The following CHD6 variants were observed in gnomAD, a reference collection of about 807,000 sequenced individuals.
CHD6 encodes chromodomain helicase DNA binding protein 6, also known as ATP-dependent chromatin remodeler CHD6.
Under a neutral mutation model 276.9 loss-of-function variants are expected in CHD6, and 50 were observed. The ratio of observed to expected loss-of-function variants is 0.18; its 90% CI spans 0.14 to 0.23. The LOEUF is 0.23. CHD6 is among the 10% of genes least tolerant of loss of function. CHD6 has a pLI of 1.00. For missense variants in CHD6, 2,564 were observed against 3,365.8 expected (o/e 0.76, Z 5.89); for synonymous variants, 1,173 against 1,229.3 (o/e 0.95, Z 0.96).
chr20:41,578,635 G>A lies in CHD6; in HGVS notation c.-23-27275C>T, dbSNP rs185544186. 2.4e-3 allele frequency among the ~76,000 whole-genome samples: 356 copies of A among 145,882 alleles called. 1 individual carries two copies. The Middle Eastern group carries it at 0.032, about 13-fold the overall frequency. On this transcript the variant is annotated intron_variant, in intron 1 of 36. Transcript: ENST00000373233. ...GTGGAGGTCGCAGTGAGCCGAGATC[G>A]CACCACCACACTCCACTACAGCCCG...
intron 1 of CHD6, among the ~76,000 whole-genome samples, chr20:41,607,574 CA>C (rs1214743318): frequency 6.6e-6 from 1 of 152,004 alleles, no homozygotes; most frequent in African/African-American, 2.4e-5. Context: ...CAATTAGTTA[CA>C]GAGGGAAAAT....
At chr20:41,419,855 T>A (rs952438327) in intron 31 of CHD6, among the ~76,000 whole-genome samples, 2 of 152,214 alleles carry the variant, frequency 1.3e-5, no homozygotes, top group African/African-American at 4.8e-5. Flanking sequence ...GCAAAGCCCA[T>A]AGAATCTCAG....
At position 41,512,875 on chromosome 20, in the gene CHD6, A is replaced by G; in HGVS notation, c.823T>C (p.Ser275Pro). The change falls in exon 5 of 37, where the codon TCA becomes CCA. Residue 275 changes from serine (S) to proline (P), a missense_variant. This residue lies in a region of CHD6 where 457 missense variants were observed against 889.0 expected (regional missense o/e 0.51). Coordinates refer to ENST00000373233, the MANE Select transcript of CHD6 (RefSeq NM_032221.5). ...GCCTGCCAGGCCAGTGTAGAGGCTG[A>G]GAGTGCAGATGTTCGACCAGCTCCA... Reference protein sequence around the residue: ...VLGAGRTSALSASTLAWQAEE... With the variant: ...VLGAGRTSALPASTLAWQAEE... The G allele has an allele frequency of 6.2e-7, 1 of 1,614,024 alleles. No homozygotes were observed. The highest frequency in any genetic ancestry group is 8.5e-7 in the Non-Finnish European group (1 of 1,179,908).
intron 17 of CHD6, among the ~76,000 whole-genome samples, chr20:41,467,552 T>C (rs1344695971): frequency 7.6e-6 from 1 of 131,548 alleles, no homozygotes; most frequent in Admixed American, 8.2e-5. Flanking sequence ...ATAACGACGT[T>C]CTGACAATGA....
At chr20:41,419,086 T>C (rs908528630) in intron 31 of CHD6, among the ~76,000 whole-genome samples, 2 of 152,228 alleles carry the variant, frequency 1.3e-5, no homozygotes, top group Admixed American at 6.5e-5. Flanking sequence ...CAATGCTTCG[T>C]GGCCTGCCAT....
At chr20:41,450,119 G>GAA in intron 23 of CHD6, among the ~76,000 whole-genome samples, 1 of 151,596 alleles carries the variant, frequency 6.6e-6, no homozygotes, top group East Asian at 1.9e-4. Flanking sequence ...ATCTGTAAAA[G>GAA]AAAAAAAACA....
At chr20:41,444,391 C>A (rs2047999123) in intron 25 of CHD6, among the ~76,000 whole-genome samples, 1 of 152,180 alleles carries the variant, frequency 6.6e-6, no homozygotes, top group Non-Finnish European at 1.5e-5. Flanking sequence ...CCACACAGGG[C>A]TAGTGGCTTC....
chr20:41,561,465 G>A (rs969243951), intron 1 of CHD6, among the ~76,000 whole-genome samples: 1 of 152,040 alleles, frequency 6.6e-6, no homozygotes, highest in African/African-American at 2.4e-5. Context: ...GTCATTATAG[G>A]TAGAGTCCTC....
intron 16 of CHD6, among the ~76,000 whole-genome samples, chr20:41,477,597 T>C (rs1246681317): frequency 6.6e-6 from 1 of 152,162 alleles, no homozygotes; most frequent in East Asian, 1.9e-4. Context: ...AAACCTCTAG[T>C]AAAATGACAG....
intron 4 of CHD6, among the ~76,000 whole-genome samples, chr20:41,513,403 G>A (rs1373337049): frequency 6.6e-6 from 1 of 152,122 alleles, no homozygotes; most frequent in East Asian, 1.9e-4. Flanking sequence ...ATGACATGAT[G>A]ACAGTTTTAT....
intron 14 of CHD6, among the ~76,000 whole-genome samples, 176 bp downstream of exon 14, chr20:41,487,489 C>T (rs1308341765): frequency 6.6e-6 from 1 of 152,170 alleles, no homozygotes; most frequent in East Asian, 1.9e-4. Flanking sequence ...GCAATAAGAA[C>T]TGCTAATAAT....
intron 1 of CHD6, among the ~76,000 whole-genome samples, chr20:41,610,664 G>A (rs1311307054): frequency 6.6e-6 from 1 of 152,146 alleles, no homozygotes; most frequent in Non-Finnish European, 1.5e-5. Context: ...CGGAGGCTGA[G>A]GCAGAATGGC....
At chr20:41,583,087 GA>G (rs1194322388) in intron 1 of CHD6, among the ~76,000 whole-genome samples, 3 of 151,584 alleles carry the variant, frequency 2.0e-5, no homozygotes, top group Non-Finnish European at 1.5e-5. Flanking sequence ...TGGCAGGGGG[GA>G]AAAAAAGGCT....
intron 1 of CHD6, among the ~76,000 whole-genome samples, chr20:41,561,951 C>T (rs2045306039): frequency 6.6e-6 from 1 of 152,172 alleles, no homozygotes; most frequent in Non-Finnish European, 1.5e-5. Flanking sequence ...GATTCTTTCT[C>T]AATCTGGAAA....
intron 3 of CHD6, among the ~76,000 whole-genome samples, chr20:41,530,265 A>G (rs199878186): frequency 6.6e-6 from 1 of 151,828 alleles, no homozygotes; most frequent in Non-Finnish European, 1.5e-5. Context: ...GATCTGATTT[A>G]CCACCACCAC....
At chr20:41,505,420 G>A (rs1384618520) in intron 5 of CHD6, among the ~76,000 whole-genome samples, 1 of 152,046 alleles carries the variant, frequency 6.6e-6, no homozygotes, top group Non-Finnish European at 1.5e-5. Context: ...ATCCCCACCA[G>A]GGTCAGATGG....
chr20:41,616,432 A>G (rs1306516768), intron 1 of CHD6, among the ~76,000 whole-genome samples: 1 of 152,144 alleles, frequency 6.6e-6, no homozygotes, highest in African/African-American at 2.4e-5. Flanking sequence ...ACAGATCTAG[A>G]TTTACTTCGC....
At position 41,460,877 on chromosome 20, in the gene CHD6, G is replaced by A. The variant is rs569473494; in HGVS notation, c.2665-3449C>T. On this transcript the variant is annotated intron_variant, in intron 17 of 36. Coordinates refer to ENST00000373233, the MANE Select transcript of CHD6 (RefSeq NM_032221.5). ...AGAACTGTAGATCCACTGACAGTTC[G>A]CACTGTGTGCCTGGAGAAGCCACAG... Among the ~76,000 whole-genome samples the A allele has an allele frequency of 2.1e-4, 32 of 152,242 alleles. No homozygotes were observed. In the East Asian group the frequency reaches 4.6e-3, roughly 22 times the overall value.
intron 5 of CHD6, among the ~76,000 whole-genome samples, chr20:41,506,803 T>C (rs2145934619): frequency 6.6e-6 from 1 of 152,334 alleles, no homozygotes; most frequent in South Asian, 2.1e-4. Context: ...GGAATTTCTG[T>C]CCCTTTTGTT....
Sources: gnomAD v4.1 joint callset for allele counts (sites outside exome capture counted in the v4.1 genomes callset) on GRCh38, gnomAD v4.1.1 for gene constraint, gnomAD v4.1.1 regional missense constraint, MANE v1.5 for transcripts, NCBI Gene and HGNC (gene_info 2026-07-23, HGNC 2026-07-21) for gene names.